The following FBXL17 variants were observed in gnomAD, a reference collection of about 807,000 sequenced individuals.
FBXL17 encodes the protein F-box/LRR-repeat protein 17.
A neutral mutation model predicts 66.2 loss-of-function variants in FBXL17; 22 were observed. The observed-to-expected ratio is 0.33, with a 90% CI of 0.24 to 0.47. FBXL17 has a LOEUF of 0.47. Among genes scored for constraint, FBXL17 ranks in the 20% least tolerant of loss-of-function variants. The pLI is 1.00. For synonymous variants in FBXL17, 474 were observed against 400.5 expected (o/e 1.18, Z -2.19); for missense variants, 878 against 948.2 (o/e 0.93, Z 0.97).
intron 6 of FBXL17, among the ~76,000 whole-genome samples, chr5:108,142,636 A>G (rs1005315547): frequency 5.9e-5 from 9 of 152,222 alleles, no homozygotes; most frequent in Admixed American, 2.0e-4. Flanking sequence ...TTGAAAACCA[A>G]TTGGGAATAA....
chr5:107,980,664 A>ATATATATTTTTTTTTTT, intron 7 of FBXL17, among the ~76,000 whole-genome samples: 3 of 62,106 alleles, frequency 4.8e-5, no homozygotes, highest in African/African-American at 3.1e-4. Context: ...ATATATATAT[A>ATATATATTTTTTTTTTT]TTTTTTTTTT....
intron 4 of FBXL17, among the ~76,000 whole-genome samples, chr5:108,305,055 C>A (rs1176975187): frequency 6.6e-6 from 1 of 151,846 alleles, no homozygotes; most frequent in Non-Finnish European, 1.5e-5. Context: ...GGATATAAGA[C>A]CTACCTCATA....
chr5:108,197,713 T>C (rs1753734294), intron 5 of FBXL17, among the ~76,000 whole-genome samples: 1 of 152,196 alleles, frequency 6.6e-6, no homozygotes. Context: ...GGAATGATAG[T>C]AATGATTTTT....
chr5:107,935,855 A>G (rs1045566834), intron 7 of FBXL17, among the ~76,000 whole-genome samples: 7 of 152,126 alleles, frequency 4.6e-5, no homozygotes, highest in Non-Finnish European at 8.8e-5. Flanking sequence ...TCACCATAGC[A>G]ACCTGAAAGG....
At position 108,380,739 on chromosome 5, in the gene FBXL17, G is replaced by T; in HGVS notation, c.953C>A (p.Thr318Asn). The T allele has an allele frequency of 8.0e-7, 1 of 1,250,254 alleles. No individual in the cohort carries two copies. Among genetic ancestry groups the T allele is most frequent in the Non-Finnish European group, 1.0e-6 (1 of 989,746 alleles). The allele number at this position is 1,250,254 out of a possible 1,614,324, so 77.4% of individuals were successfully genotyped here. A position where few individuals can be genotyped will look rare whatever the true frequency, so the allele number is the denominator to read the frequency against. Residue 318 changes from threonine to asparagine, a missense_variant, in exon 1 of 9, where the codon ACC becomes AAC. This residue lies in a region of FBXL17 where 605 missense variants were observed against 509.5 expected (regional missense o/e 1.19). Coordinates refer to ENST00000542267, the MANE Select transcript of FBXL17 (RefSeq NM_001163315.3). ...CGGCGGCAGCTGGTTGATGTCTGGG[G>T]TTTCGGGGGGCGGCTCCCTGTGACA... ...CDCHREPPPE[T>N]PDINQLPPSI...
intron 7 of FBXL17, among the ~76,000 whole-genome samples, chr5:107,953,855 A>G (rs1337325352): frequency 6.6e-6 from 1 of 152,218 alleles, no homozygotes; most frequent in Non-Finnish European, 1.5e-5. Flanking sequence ...AACCCTGCAA[A>G]GTAATTAATT....
In FBXL17 at chr5:108,310,003, G is replaced by T. The variant is rs535711497; in HGVS notation, c.1506+38396C>A. Among the ~76,000 whole-genome samples, 322 of 152,156 alleles carry T rather than the reference G, an allele frequency of 2.1e-3. 1 individual carries two copies. Among genetic ancestry groups the T allele is most frequent in the African/African-American group, 7.5e-3 (313 of 41,530 alleles). On this transcript the variant is annotated intron_variant, in intron 4 of 8. Transcript: ENST00000542267. ...AAATCACAAAAGTTCCTCTGAAATT[G>T]AATATTTATCAAAATGCAAAATATT...
At chr5:108,214,458 C>A (rs1406531155) in intron 5 of FBXL17, among the ~76,000 whole-genome samples, 1 of 151,586 alleles carries the variant, frequency 6.6e-6, no homozygotes, top group Non-Finnish European at 1.5e-5. Flanking sequence ...ACCTCCACCT[C>A]CCGGGTTCAA....
chr5:108,154,012 ACAAATCTGCCT>A (rs1301149893), intron 6 of FBXL17, among the ~76,000 whole-genome samples: 16 of 152,214 alleles, frequency 1.1e-4, no homozygotes, highest in African/African-American at 3.9e-4. Flanking sequence ...CACTCTGCCA[ACAAATCTGCCT>A]CAAATCTGCC....
intron 6 of FBXL17, among the ~76,000 whole-genome samples, chr5:108,173,805 T>G (rs1752694549): frequency 6.6e-6 from 1 of 152,198 alleles, no homozygotes; most frequent in African/African-American, 2.4e-5. Flanking sequence ...AACAAGAAAT[T>G]GATCCCTAAA....
At chr5:108,295,236 A>C (rs1358277919) in intron 4 of FBXL17, among the ~76,000 whole-genome samples, 2 of 151,906 alleles carry the variant, frequency 1.3e-5, no homozygotes, top group Non-Finnish European at 2.9e-5. Flanking sequence ...TTACTACAAG[A>C]AAAAATATTT....
intron 6 of FBXL17, among the ~76,000 whole-genome samples, chr5:108,118,382 TTACA>T (rs749031880): frequency 5.9e-5 from 9 of 152,214 alleles, no homozygotes; most frequent in Non-Finnish European, 1.3e-4. Context: ...CACAGTTCTG[TTACA>T]GTATCCCATC....
At position 108,151,079 on chromosome 5, in the gene FBXL17, T is replaced by C. The variant is rs181889023; in HGVS notation, c.1745+35038A>G. ...ACCATAGGTTCTTTCGTGAGGCCTA[T>C]AGTTTTAGCATAACAGTCTGCTGAA... On this transcript the variant is annotated intron_variant, in intron 6 of 8. Transcript: ENST00000542267. Among the ~76,000 whole-genome samples the C allele has an allele frequency of 2.0e-3, 305 of 152,314 alleles. 3 individuals are homozygous for C. The highest frequency in any genetic ancestry group is 2.0e-3 in the Non-Finnish European group (138 of 68,018).
chr5:108,274,508 A>T (rs1757406047), intron 4 of FBXL17, among the ~76,000 whole-genome samples: 1 of 152,122 alleles, frequency 6.6e-6, no homozygotes, highest in Non-Finnish European at 1.5e-5. Flanking sequence ...CCCAAATTTC[A>T]TATTACTCAA....
chr5:108,213,052 C>A (rs963458086), intron 5 of FBXL17, among the ~76,000 whole-genome samples: 2 of 152,138 alleles, frequency 1.3e-5, no homozygotes, highest in Admixed American at 1.3e-4. Flanking sequence ...CTGAGCTGCA[C>A]TGGGCTCCAC....
At chr5:107,973,354 ATTTTT>A (rs200079422) in intron 7 of FBXL17, among the ~76,000 whole-genome samples, 1 of 120,434 alleles carries the variant, frequency 8.3e-6, no homozygotes. Flanking sequence ...TTTTTTTGTA[ATTTTT>A]TTTTTTTTTT....
chr5:108,108,198 T>A (rs1749884920), intron 6 of FBXL17, among the ~76,000 whole-genome samples: 1 of 152,224 alleles, frequency 6.6e-6, no homozygotes, highest in Non-Finnish European at 1.5e-5. Flanking sequence ...ACCTTCTACA[T>A]CCATTTAATC....
intron 4 of FBXL17, among the ~76,000 whole-genome samples, chr5:108,253,708 G>A (rs1217883355): frequency 1.3e-5 from 2 of 152,122 alleles, no homozygotes; most frequent in Non-Finnish European, 2.9e-5. Flanking sequence ...AATGTTTAAA[G>A]TGGGCTGGGT....
chr5:107,926,970 CA>C (rs1750543708), intron 7 of FBXL17, among the ~76,000 whole-genome samples: 2 of 151,432 alleles, frequency 1.3e-5, no homozygotes, highest in South Asian at 4.2e-4. Flanking sequence ...GAAAATAAAG[CA>C]ATAAGGGATG....
Sources: gnomAD v4.1 joint callset for allele counts (sites outside exome capture counted in the v4.1 genomes callset) on GRCh38, gnomAD v4.1.1 for gene constraint, gnomAD v4.1.1 regional missense constraint, MANE v1.5 for transcripts, NCBI Gene and HGNC (gene_info 2026-07-23, HGNC 2026-07-21) for gene names.